Variants in ANKRD36 observed in about 807,000 individuals in gnomAD.
The protein encoded by ANKRD36 is ankyrin repeat domain-containing protein 36A.
A neutral mutation model predicts 278.1 loss-of-function variants in ANKRD36; 179 were observed. The observed-to-expected ratio is 0.64, with a 90% confidence interval of 0.57 to 0.73. The LOEUF is 0.73. Among genes scored for constraint, ANKRD36 ranks in the 30% least tolerant of loss-of-function variants. The pLI, the probability that ANKRD36 is intolerant of heterozygous loss-of-function variation, is 0.00. For missense variants in ANKRD36, 1,159 were observed against 1,956.7 expected (o/e 0.59, Z 7.69); for synonymous variants, 320 against 641.1 (o/e 0.50, Z 7.57).
At chr2:97,201,480 A>C (rs1244116994) in intron 46 of ANKRD36, among the ~76,000 whole-genome samples, 1 of 151,958 alleles carries the variant, frequency 6.6e-6, no homozygotes, top group East Asian at 1.9e-4. Context: ...TACTTTGTGG[A>C]AATATGTCAA....
At chr2:97,159,359 G>C (rs1489095900) in intron 17 of ANKRD36, among the ~76,000 whole-genome samples, 4 of 152,018 alleles carry the variant, frequency 2.6e-5, no homozygotes. Context: ...GTGTATCTCT[G>C]TTACCCTCAT....
chr2:97,206,359 A>G lies in ANKRD36; in HGVS notation c.3163+224A>G, dbSNP rs147111304. ...TCCCCACGTTGAAGTTGGGAAGAAGATATATGGAGAGCAGTTGAAGACATA... is the reference window on the plus strand; with the variant it reads ...TCCCCACGTTGAAGTTGGGAAGAAGGTATATGGAGAGCAGTTGAAGACATA... On this transcript the variant is annotated intron_variant, in intron 52 of 75. Coordinates refer to ENST00000420699, the MANE Select transcript of ANKRD36 (RefSeq NM_001354587.1). Among the ~76,000 whole-genome samples the G allele has an allele frequency of 2.1e-4, 32 of 151,552 alleles. 1 individual carries two copies. The East Asian group carries it at 5.9e-3, about 28-fold the overall frequency.
Position 97,209,821 on chromosome 2 carries a change from T to C in ANKRD36, c.3316T>C (p.Ser1106Pro). The C allele has an allele frequency of 6.3e-7, 1 of 1,599,278 alleles. No individual in the cohort carries two copies. Among genetic ancestry groups the C allele is most frequent in the South Asian group, 1.1e-5 (1 of 89,342 alleles). The change falls in exon 56 of 76, where the codon TCT (serine) becomes CCT (proline). Residue 1106 changes from serine (S) to proline (P), a missense_variant. Transcript: ENST00000420699. ...TCAGGCTACAAGTGACGAGAAAGAT[T>C]CTGTTTTGTATATAGCCAGAGAAAA... Reference protein sequence around the residue: ...ALKATSDEKDSVLYIAREKKD... With the variant: ...ALKATSDEKDPVLYIAREKKD...
intron 11 of ANKRD36, among the ~76,000 whole-genome samples, chr2:97,146,976 G>A (rs35701303): frequency 0.59 from 89,496 of 151,684 alleles, 30,675 homozygotes; most frequent in Non-Finnish European, 0.78. Context: ...TTTGGAAATG[G>A]CAGTGGTAAC....
intron 24 of ANKRD36, among the ~76,000 whole-genome samples, chr2:97,181,116 G>A (rs1348909699): frequency 2.6e-5 from 4 of 151,742 alleles, no homozygotes; most frequent in Non-Finnish European, 5.9e-5. Flanking sequence ...GAAGAGATGT[G>A]AAGAGAACAT....
At chr2:97,180,295 G>T (rs2055774158) in intron 24 of ANKRD36, among the ~76,000 whole-genome samples, 1 of 151,576 alleles carries the variant, frequency 6.6e-6, no homozygotes, top group Non-Finnish European at 1.5e-5. Flanking sequence ...GTATCATATT[G>T]TTATCAACAG....
At chr2:97,167,028 G>T (rs1037292591) in intron 20 of ANKRD36, among the ~76,000 whole-genome samples, 7 of 151,920 alleles carry the variant, frequency 4.6e-5, no homozygotes, top group Non-Finnish European at 1.0e-4. Context: ...TTTGTTTTAT[G>T]GGAATCTAAT....
chr2:97,197,471 T>C (rs1162820000), intron 42 of ANKRD36, among the ~76,000 whole-genome samples: 1 of 151,932 alleles, frequency 6.6e-6, no homozygotes, highest in Non-Finnish European at 1.5e-5. Flanking sequence ...ATCAGAGATA[T>C]ATGTTTTGTT....
In ANKRD36 at chr2:97,149,315, C is replaced by T. The variant is rs2153461754; in HGVS notation, c.1055C>T (p.Ala352Val). Residue 352 changes from alanine (A) to valine (V), a missense_variant, in exon 12 of 76, where the codon GCT (alanine) becomes GTT (valine). Transcript: ENST00000420699. ...TGTAGGAGTCTCTACAGACCTGATG[C>T]TGTTGCACAGCCTGTGACAGAGAAT... ...CLNRSLYRPD[A>V]VAQPVTENEF... is the part of the protein sequence containing the mutation. 4 of 1,534,142 alleles carry T rather than the reference C, an allele frequency of 2.6e-6. No homozygotes were observed. Among genetic ancestry groups the T allele is most frequent in the Non-Finnish European group, 3.5e-6 (4 of 1,145,478 alleles).
chr2:97,130,549 A>G (rs1034963280), intron 6 of ANKRD36, among the ~76,000 whole-genome samples: 1 of 151,970 alleles, frequency 6.6e-6, no homozygotes, highest in Non-Finnish European at 1.5e-5. Context: ...ATACATATGT[A>G]ACAAACCTGC....
intron 67 of ANKRD36, among the ~76,000 whole-genome samples, chr2:97,230,067 A>G (rs1266511247): frequency 6.6e-6 from 1 of 152,118 alleles, no homozygotes; most frequent in Non-Finnish European, 1.5e-5. Flanking sequence ...GGCTGCCCTT[A>G]ACATTTTTTC....
At chr2:97,206,514 T>G (rs1218424628) in intron 52 of ANKRD36, among the ~76,000 whole-genome samples, 2 of 151,288 alleles carry the variant, frequency 1.3e-5, no homozygotes, top group African/African-American at 4.8e-5. Context: ...GACAGAAAAC[T>G]TGTTGTAATA....
chr2:97,201,534 C>T (rs1163450401), intron 46 of ANKRD36, among the ~76,000 whole-genome samples: 1 of 151,868 alleles, frequency 6.6e-6, no homozygotes, highest in Non-Finnish European at 1.5e-5. Context: ...ATATATTATC[C>T]TTTGGTGCCA....
At chr2:97,194,580 T>G (rs1466367369) in intron 38 of ANKRD36, 146 bp from the exon 39 acceptor site, 2 of 1,464,044 alleles carry the variant, frequency 1.4e-6, no homozygotes, top group Admixed American at 3.9e-5. Context: ...TCTGACATGT[T>G]CTGGTCCCCA....
intron 18 of ANKRD36, chr2:97,163,427 G>C (rs1166352480): frequency 2.4e-5 from 9 of 370,534 alleles, no homozygotes; most frequent in South Asian, 1.7e-4. Context: ...GATGGCAAGA[G>C]AACTAAAGTT....
chr2:97,174,879 A>G (rs1256212453), intron 22 of ANKRD36, among the ~76,000 whole-genome samples: 1 of 150,886 alleles, frequency 6.6e-6, no homozygotes, highest in Non-Finnish European at 1.5e-5. Flanking sequence ...ATCTATTGAG[A>G]TAATCATGTG....
At position 97,149,297 on chromosome 2, in the gene ANKRD36, G is replaced by GTCTC; in HGVS notation, c.1039_1042dup (p.Tyr348SerfsTer5). 1 of 1,533,578 alleles carries GTCTC rather than the reference G, an allele frequency of 6.5e-7. No individual in the cohort carries two copies. Among genetic ancestry groups the GTCTC allele is most frequent in the Admixed American group, 2.0e-5 (1 of 50,662 alleles). The allele number at this position is 1,533,578 out of a possible 1,614,324, so 95.0% of individuals were successfully genotyped here. On this transcript the variant is annotated frameshift_variant, in exon 12 of 76. Coordinates refer to ENST00000420699, the MANE Select transcript of ANKRD36 (RefSeq NM_001354587.1). LOFTEE classifies it high-confidence loss of function. ...TGTAATATCTTTTTGCTCTGTAGGA[G>GTCTC]TCTCTACAGACCTGATGCTGTTGCA...
chr2:97,258,426 TCTC>T (rs2076420861), intron 75 of ANKRD36, among the ~76,000 whole-genome samples: 1 of 95,704 alleles, frequency 1.0e-5, no homozygotes, highest in African/African-American at 3.9e-5. Flanking sequence ...TTCAAGCAAT[TCTC>T]CTGCCTCAGC....
At chr2:97,116,931 C>T (rs1332664874) in intron 1 of ANKRD36, among the ~76,000 whole-genome samples, 2 of 151,928 alleles carry the variant, frequency 1.3e-5, no homozygotes, top group African/African-American at 2.4e-5. Context: ...AGACAGATTC[C>T]ACCATCTCTC....
Sources: gnomAD v4.1 joint callset for allele counts (sites outside exome capture counted in the v4.1 genomes callset) on GRCh38, gnomAD v4.1.1 for gene constraint, MANE v1.5 for transcripts, NCBI Gene and HGNC (gene_info 2026-07-23, HGNC 2026-07-21) for gene names.